The following RAB31 variants were observed in gnomAD, a reference collection of about 807,000 sequenced individuals.
The protein encoded by RAB31 is ras-related protein Rab-31.
A neutral mutation model predicts 25.6 loss-of-function variants in RAB31; 21 were observed. That is an observed-to-expected ratio of 0.82 (90% confidence interval 0.58 to 1.18). The LOEUF (loss-of-function observed/expected upper bound fraction) is 1.18. Among genes scored for constraint, RAB31 ranks in the 50% most tolerant of loss-of-function variants. RAB31 has a pLI of 0.00. For missense variants in RAB31, 196 were observed against 250.1 expected, an observed-to-expected ratio of 0.78 and a Z score of 1.46; for synonymous variants, 87 against 84.0, an observed-to-expected ratio of 1.04 and a Z score of -0.20.
At chr18:9,781,217 T>C (rs901084127) in intron 2 of RAB31, among the ~76,000 whole-genome samples, 1 of 152,220 alleles carries the variant, frequency 6.6e-6, no homozygotes. Context: ...TGAATTCTAT[T>C]CTTTTCCTCT....
chr18:9,767,673 C>T (rs968545218), intron 1 of RAB31, among the ~76,000 whole-genome samples: 15 of 152,066 alleles, frequency 9.9e-5, no homozygotes, highest in African/African-American at 3.1e-4. Context: ...ATTAAGTAGT[C>T]GCGATCTATT....
intron 2 of RAB31, among the ~76,000 whole-genome samples, chr18:9,786,124 C>T (rs2068431206): frequency 1.4e-5 from 2 of 143,650 alleles, no homozygotes; most frequent in African/African-American, 2.6e-5. Flanking sequence ...AAGCCTCTGT[C>T]AAAAAAAGGA....
At chr18:9,850,073 A>G (rs1407024511) in intron 6 of RAB31, among the ~76,000 whole-genome samples, 3 of 152,170 alleles carry the variant, frequency 2.0e-5, no homozygotes, top group African/African-American at 7.2e-5. Context: ...GGGTGGAGGA[A>G]GTGGAGCTGG....
chr18:9,850,395 G>A (rs2068783359), intron 6 of RAB31, among the ~76,000 whole-genome samples: 1 of 152,206 alleles, frequency 6.6e-6, no homozygotes, highest in Admixed American at 6.5e-5. Context: ...AAAGTGCTGG[G>A]ATTACAGGTA....
intron 1 of RAB31, among the ~76,000 whole-genome samples, chr18:9,731,786 G>C (rs1466615772): frequency 6.6e-6 from 1 of 151,946 alleles, no homozygotes; most frequent in East Asian, 1.9e-4. Context: ...AGTACAGACA[G>C]GGTTTTGCCA....
rs763661724 is a variant in RAB31, at chr18:9,814,065, G to C, written c.247G>C (p.Val83Leu). Residue 83 changes from valine to leucine, a missense_variant, in exon 4 of 7, where the codon GTT becomes CTT. Transcript: ENST00000578921. Reference sequence around the variant, plus strand: ...GTACTATCGAGGCTCAGCTGCAGCTGTTATCGTGTATGATATTACCAAGCA... The same window carrying C: ...GTACTATCGAGGCTCAGCTGCAGCTCTTATCGTGTATGATATTACCAAGCA... The part of the protein sequence containing the change: ...PMYYRGSAAA[V>L]IVYDITKQDS... 1.3e-6 allele frequency: 2 copies of C among 1,592,740 alleles called. No homozygotes were observed. The highest frequency in any genetic ancestry group is 1.7e-6 in the Non-Finnish European group (2 of 1,166,114).
At chr18:9,783,299 CT>C (rs1464344419) in intron 2 of RAB31, among the ~76,000 whole-genome samples, 9 of 152,294 alleles carry the variant, frequency 5.9e-5, no homozygotes, top group Admixed American at 2.0e-4. Flanking sequence ...GTGAGGGCCT[CT>C]GCTTCCTCTT....
At chr18:9,830,746 A>G (rs2068673978) in intron 5 of RAB31, 1 of 152,214 alleles carries the variant, frequency 6.6e-6, no homozygotes, top group Non-Finnish European at 1.5e-5. Context: ...TATTTTAAAA[A>G]TATTTCCATA....
chr18:9,721,630 G>C (rs1412514046), intron 1 of RAB31, among the ~76,000 whole-genome samples: 1 of 140,136 alleles, frequency 7.1e-6, no homozygotes, highest in Non-Finnish European at 1.6e-5. Flanking sequence ...AAAAAAAAAA[G>C]AAATAACTGG....
At chr18:9,806,667 G>T (rs183447703) in intron 3 of RAB31, among the ~76,000 whole-genome samples, 76 of 152,296 alleles carry the variant, frequency 5.0e-4, no homozygotes, top group African/African-American at 1.8e-3. Context: ...ACAGGGAAGT[G>T]AAACAATTGG....
At chr18:9,839,815 G>A (rs1200278953) in intron 5 of RAB31, among the ~76,000 whole-genome samples, 3 of 152,156 alleles carry the variant, frequency 2.0e-5, no homozygotes, top group East Asian at 1.9e-4. Flanking sequence ...AGTGTCCACC[G>A]TGGGAGGCAG....
chr18:9,834,564 G>A (rs1306484331), intron 5 of RAB31, among the ~76,000 whole-genome samples: 1 of 152,158 alleles, frequency 6.6e-6, no homozygotes, highest in African/African-American at 2.4e-5. Flanking sequence ...GGGTTGAAGG[G>A]GAAGGTTCTA....
At chr18:9,825,454 C>A (rs1490991893) in intron 5 of RAB31, among the ~76,000 whole-genome samples, 1 of 152,176 alleles carries the variant, frequency 6.6e-6, no homozygotes, top group African/African-American at 2.4e-5. Flanking sequence ...AGGTTGTAAC[C>A]TTGCCTCAGT....
At chr18:9,785,436 T>C (rs1190742395) in intron 2 of RAB31, among the ~76,000 whole-genome samples, 2 of 152,190 alleles carry the variant, frequency 1.3e-5, no homozygotes, top group Non-Finnish European at 2.9e-5. Flanking sequence ...ACAGCTTTCA[T>C]CTGGTAGGGT....
Position 9,748,827 on chromosome 18 carries a change from G to C in RAB31, c.40-26451G>C, listed in dbSNP as rs568011661. The stretch of plus-strand genomic sequence containing the variant: ...AATCACTTGAACCCGGGAGGTGGAG[G>C]TTGCAGTGAGCCGAGATTGCACCAC... On this transcript the variant is annotated intron_variant, in intron 1 of 6. Coordinates refer to ENST00000578921, the MANE Select transcript of RAB31 (RefSeq NM_006868.4). Among the ~76,000 whole-genome samples the C allele has an allele frequency of 2.0e-3, 298 of 151,854 alleles. 1 individual carries two copies. The highest frequency in any genetic ancestry group is 6.8e-3 in the African/African-American group (282 of 41,400).
intron 5 of RAB31, among the ~76,000 whole-genome samples, chr18:9,841,745 G>A (rs2068735663): frequency 6.6e-6 from 1 of 152,102 alleles, no homozygotes; most frequent in African/African-American, 2.4e-5. Context: ...GACAGGCAGA[G>A]GGAGGGACGG....
At chr18:9,770,328 C>T (rs117322324) in intron 1 of RAB31, among the ~76,000 whole-genome samples, 2,181 of 152,190 alleles carry the variant, frequency 0.014, 25 homozygotes, top group Middle Eastern at 0.071. Flanking sequence ...GCTTGAAGGC[C>T]GTTGCAGGAG....
At chr18:9,736,047 G>A (rs2068149533) in intron 1 of RAB31, among the ~76,000 whole-genome samples, 3 of 151,870 alleles carry the variant, frequency 2.0e-5, no homozygotes, top group Non-Finnish European at 1.5e-5. Flanking sequence ...AGGTTGCCCC[G>A]GCTGGTCTGG....
intron 5 of RAB31, among the ~76,000 whole-genome samples, chr18:9,842,888 G>A (rs2068741354): frequency 6.6e-6 from 1 of 152,234 alleles, no homozygotes; most frequent in South Asian, 2.1e-4. Flanking sequence ...CATGGAAGGA[G>A]TCTGAGGGTG....
Sources: allele counts gnomAD v4.1 joint callset (sites outside exome capture counted in the v4.1 genomes callset), GRCh38; gene constraint gnomAD v4.1.1; transcripts MANE v1.5; gene names NCBI Gene and HGNC (gene_info 2026-07-23, HGNC 2026-07-21).